The following PEBP4 variants were observed in gnomAD, a reference collection of about 807,000 sequenced individuals.
PEBP4 encodes phosphatidylethanolamine binding protein 4.
PEBP4 carries 22 observed loss-of-function variants against 23.9 expected under a neutral mutation model. The ratio of observed to expected loss-of-function variants is 0.92; its 90% CI spans 0.66 to 1.31. The LOEUF is 1.31. Ranked by LOEUF, PEBP4 falls within the 40% of genes most tolerant of loss-of-function variation. The pLI, the probability that PEBP4 is intolerant of heterozygous loss-of-function variation, is 0.00. For missense variants in PEBP4, 324 were observed against 281.7 expected (o/e 1.15, Z -1.07); for synonymous variants, 112 against 99.3 (o/e 1.13, Z -0.76).
rs186005014 is a variant in PEBP4 at position 22,785,416 on chromosome 8, G to A, written c.357+32221C>T. On this transcript the variant is annotated intron_variant, in intron 4 of 6. Coordinates refer to ENST00000256404, the MANE Select transcript of PEBP4 (RefSeq NM_144962.3). Reference sequence around the variant, plus strand: ...CCCAGGACAGAACCACGGCCATTTCGAGACCCCAGATGTCCTCCAATGTGT... The same window carrying A: ...CCCAGGACAGAACCACGGCCATTTCAAGACCCCAGATGTCCTCCAATGTGT... Among the ~76,000 whole-genome samples the A allele has an allele frequency of 5.3e-5, 8 of 152,184 alleles. No individual in the cohort carries two copies. The East Asian group carries it at 1.4e-3, about 26-fold the overall frequency.
intron 4 of PEBP4, among the ~76,000 whole-genome samples, chr8:22,771,026 C>T (rs1805708244): frequency 6.6e-6 from 1 of 152,304 alleles, no homozygotes; most frequent in African/African-American, 2.4e-5. Flanking sequence ...TTTTGTAAAC[C>T]GTGATGCTTG....
At chr8:22,885,724 G>A (rs1162058548) in intron 3 of PEBP4, 1 of 152,248 alleles carries the variant, frequency 6.6e-6, no homozygotes, top group African/African-American at 2.4e-5. Context: ...TCTCCAGAGA[G>A]CTTCTGAAAG....
At chr8:22,731,672 T>C (rs1804737301) in intron 4 of PEBP4, among the ~76,000 whole-genome samples, 1 of 151,480 alleles carries the variant, frequency 6.6e-6, no homozygotes, top group Non-Finnish European at 1.5e-5. Flanking sequence ...TATTTATTTA[T>C]TTTTGAGACG....
intron 6 of PEBP4, among the ~76,000 whole-genome samples, chr8:22,722,095 C>T (rs190750251): frequency 2.0e-5 from 3 of 152,252 alleles, no homozygotes; most frequent in Admixed American, 6.5e-5. Context: ...TAATTTCTAA[C>T]GGCTTCCCAG....
In PEBP4 at chr8:22,896,450, G is replaced by A. The variant is rs954828958; in HGVS notation, c.258+23734C>T. On this transcript the variant is annotated intron_variant, in intron 3 of 6. Coordinates refer to ENST00000256404, the MANE Select transcript of PEBP4 (RefSeq NM_144962.3). The stretch of plus-strand genomic sequence containing the variant: ...ATCTCCCCTCCTCATCCCAGTGATG[G>A]GGTTCCTTCCACCTCACCTGCTAGG... Among the ~76,000 whole-genome samples, 5 of 152,124 alleles carry A rather than the reference G, an allele frequency of 3.3e-5. No individual in the cohort carries two copies. The South Asian group carries it at 1.0e-3, about 32-fold the overall frequency.
upstream of PEBP4, among the ~76,000 whole-genome samples, chr8:22,930,565 C>T (rs1041911337): frequency 6.6e-6 from 1 of 152,134 alleles, no homozygotes; most frequent in African/African-American, 2.4e-5. Flanking sequence ...CGTTTCTGAT[C>T]ATCCTCATTT....
At chr8:22,860,176 A>G in intron 3 of PEBP4, among the ~76,000 whole-genome samples, 1 of 93,716 alleles carries the variant, frequency 1.1e-5, no homozygotes, top group African/African-American at 3.6e-5. Flanking sequence ...ATGTATATAT[A>G]TATACACATA....
In PEBP4 at chr8:22,927,609, A is replaced by G; in HGVS notation, c.106T>C (p.Leu36=). The G allele has an allele frequency of 1.2e-6, 2 of 1,612,432 alleles. No individual in the cohort carries two copies. The highest frequency in any genetic ancestry group is 1.7e-6 in the Non-Finnish European group (2 of 1,179,238). ...ENSPCAHEAL[L]DEDTLFCQGL... The stretch of plus-strand genomic sequence containing the variant: ...TGGCAAAAGAGGGTGTCCTCGTCCA[A>G]GAGGGCCTCATGGGCACACGGGCTG... The change falls in exon 2 of 7, where the codon TTG becomes CTG. Residue 36 remains leucine, a synonymous_variant. Coordinates refer to ENST00000256404, the MANE Select transcript of PEBP4 (RefSeq NM_144962.3).
At position 22,714,037 on chromosome 8, in the gene PEBP4, C is replaced by G. The variant is rs111238732; in HGVS notation, c.518-501G>C. Among the ~76,000 whole-genome samples, 1,219 of 152,362 alleles carry G rather than the reference C, an allele frequency of 8.0e-3. 15 individuals are homozygous for G. The highest frequency in any genetic ancestry group is 0.028 in the African/African-American group (1,157 of 41,586). On this transcript the variant is annotated intron_variant, in intron 6 of 6. Coordinates refer to ENST00000256404, the MANE Select transcript of PEBP4 (RefSeq NM_144962.3). The stretch of plus-strand genomic sequence containing the variant: ...TGTGCTCTTCTTTCAATCTTCTCCC[C>G]TAAACCCCAAACACCTCCTCGTCTC...
At chr8:22,730,566 C>G (rs954581403) in intron 4 of PEBP4, among the ~76,000 whole-genome samples, 1 of 152,194 alleles carries the variant, frequency 6.6e-6, no homozygotes, top group Non-Finnish European at 1.5e-5. Flanking sequence ...AATGTCACTT[C>G]TAGCCTGCGA....
intron 3 of PEBP4, among the ~76,000 whole-genome samples, chr8:22,876,809 T>G (rs182071319): frequency 2.4e-4 from 36 of 152,292 alleles, no homozygotes; most frequent in Non-Finnish European, 4.1e-4. Flanking sequence ...AAATCTGGCT[T>G]GGTTAGCCAG....
intron 4 of PEBP4, among the ~76,000 whole-genome samples, chr8:22,755,254 G>A (rs1805354301): frequency 6.6e-6 from 1 of 151,150 alleles, no homozygotes; most frequent in Non-Finnish European, 1.5e-5. Context: ...TAACAGAAAT[G>A]CCAATAGGCA....
At chr8:22,924,958 T>A in intron 2 of PEBP4, 1 of 985,384 alleles carries the variant, frequency 1.0e-6, no homozygotes, top group Non-Finnish European at 1.2e-6. Context: ...GTCCAATCTT[T>A]AAGAGTTCCC....
intron 3 of PEBP4, among the ~76,000 whole-genome samples, chr8:22,912,625 C>T (rs1328756695): frequency 6.6e-6 from 1 of 152,224 alleles, no homozygotes; most frequent in East Asian, 1.9e-4. Context: ...CTCTATCCAT[C>T]GCCCCATGTT....
chr8:22,790,165 C>T (rs920790355), intron 4 of PEBP4, among the ~76,000 whole-genome samples: 1 of 152,250 alleles, frequency 6.6e-6, no homozygotes, highest in African/African-American at 2.4e-5. Flanking sequence ...TTTTGTCATC[C>T]TTCAACCATT....
At chr8:22,881,814 A>G (rs1157117862) in intron 3 of PEBP4, among the ~76,000 whole-genome samples, 1 of 152,170 alleles carries the variant, frequency 6.6e-6, no homozygotes, top group African/African-American at 2.4e-5. Context: ...CTCCATTACT[A>G]CTTGTGTGGC....
chr8:22,717,527 C>T (rs543345370), intron 6 of PEBP4, among the ~76,000 whole-genome samples: 4 of 152,346 alleles, frequency 2.6e-5, no homozygotes, highest in Admixed American at 2.6e-4. Flanking sequence ...AGGCTCCCCC[C>T]ACCCCAGCTC....
chr8:22,725,943 C>A (rs1397850746), intron 5 of PEBP4, among the ~76,000 whole-genome samples: 1 of 151,958 alleles, frequency 6.6e-6, no homozygotes, highest in African/African-American at 2.4e-5. Flanking sequence ...TGCCAACAAC[C>A]GGGGAATTCC....
At chr8:22,777,936 C>G (rs1041560358) in intron 4 of PEBP4, among the ~76,000 whole-genome samples, 8 of 152,166 alleles carry the variant, frequency 5.3e-5, no homozygotes, top group African/African-American at 1.9e-4. Context: ...CTCCGCTCTC[C>G]TCTTTCCTTT....
Sources: allele counts gnomAD v4.1 joint callset (sites outside exome capture counted in the v4.1 genomes callset), GRCh38; gene constraint gnomAD v4.1.1; transcripts MANE v1.5; gene names NCBI Gene and HGNC (gene_info 2026-07-23, HGNC 2026-07-21).